Variants in SPOCK3 observed in about 807,000 individuals in gnomAD.
SPOCK3 encodes SPARC (osteonectin), cwcv and kazal like domains proteoglycan 3.
Under a neutral mutation model 56.6 loss-of-function variants are expected in SPOCK3, and 30 were observed. The observed-to-expected ratio is 0.53, with a 90% CI of 0.40 to 0.72. The LOEUF is 0.72. Ranked by LOEUF, SPOCK3 falls within the 30% of genes least tolerant of loss-of-function variation. The pLI, the probability that SPOCK3 is intolerant of heterozygous loss-of-function variation, is 0.00. For missense variants in SPOCK3, 527 were observed against 530.0 expected (o/e 0.99, Z 0.06); for synonymous variants, 196 against 183.3 (o/e 1.07, Z -0.56).
At chr4:166,982,425 C>T (rs763618790) in intron 4 of SPOCK3, among the ~76,000 whole-genome samples, 4 of 152,044 alleles carry the variant, frequency 2.6e-5, no homozygotes, top group South Asian at 2.1e-4. Flanking sequence ...TGGTGGTAGG[C>T]GCCGTAGTCC....
chr4:166,745,767 A>C (rs1341920107), intron 8 of SPOCK3, among the ~76,000 whole-genome samples: 1 of 152,226 alleles, frequency 6.6e-6, no homozygotes, highest in Non-Finnish European at 1.5e-5. Flanking sequence ...AGACACACAT[A>C]GGCTCAAAAT....
chr4:166,937,339 A>C (rs1258960513), intron 4 of SPOCK3, among the ~76,000 whole-genome samples: 1 of 151,304 alleles, frequency 6.6e-6, no homozygotes. Flanking sequence ...GATCAAGGCT[A>C]TGAATGATGT....
intron 2 of SPOCK3, among the ~76,000 whole-genome samples, chr4:167,228,943 C>A (rs1718575304): frequency 6.6e-6 from 1 of 152,116 alleles, no homozygotes; most frequent in African/African-American, 2.4e-5. Context: ...CTTTTAAGAA[C>A]TAAACCCAGT....
intron 8 of SPOCK3, among the ~76,000 whole-genome samples, chr4:166,746,775 G>C (rs924086851): frequency 6.6e-6 from 1 of 152,066 alleles, no homozygotes; most frequent in Non-Finnish European, 1.5e-5. Context: ...GAATCAAATA[G>C]ATGCAATAAA....
At chr4:167,023,030 A>G (rs1751346945) in intron 3 of SPOCK3, among the ~76,000 whole-genome samples, 1 of 151,998 alleles carries the variant, frequency 6.6e-6, no homozygotes, top group Admixed American at 6.6e-5. Context: ...ATTCATGTAC[A>G]CAATGATTGT....
chr4:167,234,213 A>C (rs1737501919), intron 1 of SPOCK3, 40 bp from the exon 2 acceptor site: 2 of 1,600,092 alleles, frequency 1.2e-6, no homozygotes, highest in Non-Finnish European at 1.7e-6. Flanking sequence ...GGGGCATGTC[A>C]GTGTCAAATA....
intron 6 of SPOCK3, among the ~76,000 whole-genome samples, chr4:166,881,355 T>C (rs1733668261): frequency 6.6e-6 from 1 of 151,894 alleles, no homozygotes; most frequent in Non-Finnish European, 1.5e-5. Context: ...AATTGATTAA[T>C]AGTAATTAAC....
intron 4 of SPOCK3, among the ~76,000 whole-genome samples, chr4:166,985,758 G>A (rs977806844): frequency 2.0e-5 from 3 of 152,132 alleles, no homozygotes; most frequent in Non-Finnish European, 2.9e-5. Flanking sequence ...TTCTTGGAGT[G>A]AGGATTATTT....
chr4:167,217,670 TATTA>T (rs1260498191), intron 2 of SPOCK3, among the ~76,000 whole-genome samples: 2 of 152,088 alleles, frequency 1.3e-5, no homozygotes, highest in African/African-American at 2.4e-5. Flanking sequence ...TACAAAATTC[TATTA>T]ATATGTCCTT....
intron 7 of SPOCK3, among the ~76,000 whole-genome samples, chr4:166,762,689 C>G (rs1212307676): frequency 6.6e-6 from 1 of 152,060 alleles, no homozygotes; most frequent in Non-Finnish European, 1.5e-5. Context: ...GGTTTTCTGT[C>G]TGGAGACTAT....
At chr4:166,804,967 A>C (rs966375901) in intron 6 of SPOCK3, among the ~76,000 whole-genome samples, 1 of 152,174 alleles carries the variant, frequency 6.6e-6, no homozygotes, top group Non-Finnish European at 1.5e-5. Flanking sequence ...TAATTTATTT[A>C]GATATTTAAG....
At chr4:166,799,269 T>G (rs564544046) in intron 6 of SPOCK3, among the ~76,000 whole-genome samples, 18 of 152,282 alleles carry the variant, frequency 1.2e-4, no homozygotes, top group African/African-American at 4.3e-4. Flanking sequence ...CTGTCAAGAT[T>G]TGGCTTATTG....
intron 3 of SPOCK3, among the ~76,000 whole-genome samples, chr4:167,055,128 C>CT (rs927564947): frequency 2.6e-5 from 4 of 151,776 alleles, no homozygotes; most frequent in African/African-American, 7.3e-5. Context: ...TTTTTCTTCA[C>CT]TTTTTTTAGA....
At chr4:167,054,853 G>C (rs568523789) in intron 3 of SPOCK3, among the ~76,000 whole-genome samples, 1 of 152,264 alleles carries the variant, frequency 6.6e-6, no homozygotes, top group South Asian at 2.1e-4. Context: ...AAGTGTAAAT[G>C]TGTCTGTCCA....
chr4:167,231,252 T>C (rs1737150345), intron 2 of SPOCK3, among the ~76,000 whole-genome samples: 1 of 152,026 alleles, frequency 6.6e-6, no homozygotes, highest in South Asian at 2.1e-4. Flanking sequence ...GAAAGAACAG[T>C]TCAAACTTTC....
chr4:166,998,292 C>T (rs1748597395), intron 4 of SPOCK3, among the ~76,000 whole-genome samples: 2 of 152,078 alleles, frequency 1.3e-5, no homozygotes, highest in African/African-American at 4.8e-5. Flanking sequence ...TTAGTCTCCC[C>T]TCTGAACCCT....
intron 2 of SPOCK3, among the ~76,000 whole-genome samples, chr4:167,198,357 TTTGGTTATAGA>T (rs1396915568): frequency 1.3e-5 from 2 of 152,046 alleles, no homozygotes; most frequent in Non-Finnish European, 2.9e-5. Flanking sequence ...TATGTGATAG[TTTGGTTATAGA>T]TGTCTCAGAG....
chr4:167,054,101 T>G (rs1754519973), intron 3 of SPOCK3, among the ~76,000 whole-genome samples: 1 of 152,138 alleles, frequency 6.6e-6, no homozygotes, highest in African/African-American at 2.4e-5. Context: ...TTAGGACACC[T>G]AGAGATTTAT....
intron 7 of SPOCK3, among the ~76,000 whole-genome samples, chr4:166,768,371 A>G (rs887649918): frequency 1.3e-5 from 2 of 152,226 alleles, no homozygotes; most frequent in East Asian, 1.9e-4. Flanking sequence ...GAGCTCTTGT[A>G]GGGCAGGCCT....
Sources: allele counts gnomAD v4.1 joint callset (sites outside exome capture counted in the v4.1 genomes callset), GRCh38; gene constraint gnomAD v4.1.1; transcripts MANE v1.5; gene names NCBI Gene and HGNC (gene_info 2026-07-23, HGNC 2026-07-21).